The following F5 variants were observed in gnomAD, a reference collection of about 807,000 sequenced individuals.
F5 encodes the protein activated protein c cofactor.
F5 carries 138 observed loss-of-function variants against 216.4 expected under a neutral mutation model. The ratio of observed to expected loss-of-function variants is 0.64; its 90% CI spans 0.56 to 0.73. The LOEUF (loss-of-function observed/expected upper bound fraction) is 0.73. Among genes scored for constraint, F5 ranks in the 30% least tolerant of loss-of-function variants. The probability of loss-of-function intolerance (pLI) is 0.00; values close to 1 mark genes in which losing one functional copy is unlikely to be tolerated. For missense variants in F5, 2,403 were observed against 2,674.0 expected, an observed-to-expected ratio of 0.90 and a Z score of 2.24; for synonymous variants, 916 against 930.7, an observed-to-expected ratio of 0.98 and a Z score of 0.29.
intron 6 of F5, 62 bp downstream of exon 6, chr1:169,556,584 G>T: frequency 1.3e-6 from 2 of 1,514,292 alleles, no homozygotes; most frequent in Non-Finnish European, 1.8e-6. Flanking sequence ...GAAAGAGGGA[G>T]TTAGTGCATG....
intron 6 of F5, among the ~76,000 whole-genome samples, 187 bp downstream of exon 6, chr1:169,556,459 G>A (rs192645496): frequency 2.9e-3 from 220 of 74,676 alleles, no homozygotes; most frequent in African/African-American, 0.017. Flanking sequence ...CAATTCCTTC[G>A]CTTTCTCCAT....
At position 169,540,936 on chromosome 1, in the gene F5, G is replaced by A; in HGVS notation, c.4154C>T (p.Ser1385Phe). ...LSPELSQTNLSPDLSEMPLFA... is the reference protein window; with the variant it reads ...LSPELSQTNLFPDLSEMPLFA... Reference sequence around the variant, plus strand: ...GAGGGGCATCTCACTGAGGTCTGGGGAAAGGTTTGTCTGACTGAGTTCTGG... The same window carrying A: ...GAGGGGCATCTCACTGAGGTCTGGGAAAAGGTTTGTCTGACTGAGTTCTGG... The change falls in exon 13 of 25, where the codon TCC becomes TTC. Residue 1385 changes from serine to phenylalanine, a missense_variant. Ser to Phe is a radical substitution (Grantham distance 155). Around this residue, in one of 4 missense-constraint regions of F5, gnomAD observed 293 missense variants for 270.8 expected, o/e 1.08. Transcript: ENST00000367797. 2 of 1,614,138 alleles carry A rather than the reference G, an allele frequency of 1.2e-6. No homozygotes were observed. Among genetic ancestry groups the A allele is most frequent in the Non-Finnish European group, 1.7e-6 (2 of 1,180,020 alleles).
At position 169,541,535 on chromosome 1, in the gene F5, G is replaced by A; in HGVS notation, c.3555C>T (p.Val1185=). The change falls in exon 13 of 25, where the codon GTC becomes GTT. Residue 1185 remains valine, a synonymous_variant. Coordinates refer to ENST00000367797, the MANE Select transcript of F5 (RefSeq NM_000130.5). ...PSSEHEVWQT[V]ISPDLSQVTL... ...TCACCTGGCTGAGGTCTGGAGAGAT[G>A]ACTGTCTGCCAGACTTCATGTTCTG... The A allele has an allele frequency of 6.2e-7, 1 of 1,614,116 alleles. No individual in the cohort carries two copies. The highest frequency in any genetic ancestry group is 8.5e-7 in the Non-Finnish European group (1 of 1,179,998).
In F5 at chr1:169,514,139, G is replaced by A; in HGVS notation, c.*174C>T. On this transcript the variant is annotated 3_prime_UTR_variant, in exon 25 of 25. Transcript: ENST00000367797. ...AGTAATAGCCATTATCTTACTTACT[G>A]GTAGCAAGGAGTTACATTATAAAAG... is the stretch of plus-strand genomic sequence containing the variant. 1 of 629,120 alleles carries A rather than the reference G, an allele frequency of 1.6e-6. No homozygotes were observed. 39.0% of individuals were successfully genotyped at this position (629,120 alleles called of 1,614,324 possible).
Position 169,586,404 on chromosome 1 carries a change from C to G in F5, c.-18G>C, listed in dbSNP as rs1295977576. 6.2e-7 allele frequency: 1 copy of G among 1,608,896 alleles called. No individual in the cohort carries two copies. The highest frequency in any genetic ancestry group is 1.1e-5 in the South Asian group (1 of 90,792). On this transcript the variant is annotated 5_prime_UTR_variant, in exon 1 of 25. Transcript: ENST00000367797. ...GGGAACATGCTTCCTTTCCTGCTCCCGCTGGCTGCCACCACCCCAGGACCT... is the reference window on the plus strand; with the variant it reads ...GGGAACATGCTTCCTTTCCTGCTCCGGCTGGCTGCCACCACCCCAGGACCT...
intron 3 of F5, among the ~76,000 whole-genome samples, chr1:169,567,294 T>C (rs1429201362): frequency 6.6e-6 from 1 of 151,870 alleles, no homozygotes; most frequent in Non-Finnish European, 1.5e-5. Context: ...GATGACGAGT[T>C]AGTGGGTGCA....
chr1:169,584,777 C>T (rs1228368302), intron 1 of F5, among the ~76,000 whole-genome samples: 2 of 152,176 alleles, frequency 1.3e-5, no homozygotes, highest in African/African-American at 4.8e-5. Flanking sequence ...AACAATATGA[C>T]AGTTTGTCTG....
Position 169,540,578 on chromosome 1 carries a change from T to G in F5, c.4512A>C (p.Ser1504=). Residue 1504 remains serine, a synonymous_variant, in exon 13 of 25, where the codon TCA becomes TCC. Coordinates refer to ENST00000367797, the MANE Select transcript of F5 (RefSeq NM_000130.5). ...CTATAACCAGTGGATTAAATTCCTT[T>G]GATAGAAAAGTATCATTGAGAGTAG... ...SSPTLNDTFL[S]KEFNPLVIVG... is the part of the protein sequence containing the mutation. The G allele has an allele frequency of 1.2e-6, 2 of 1,614,064 alleles. No individual in the cohort carries two copies. Among genetic ancestry groups the G allele is most frequent in the South Asian group, 1.1e-5 (1 of 91,082 alleles).
At chr1:169,560,985 A>G (rs574459105) in intron 3 of F5, among the ~76,000 whole-genome samples, 1 of 152,322 alleles carries the variant, frequency 6.6e-6, no homozygotes, top group East Asian at 1.9e-4. Flanking sequence ...AACAAATGTT[A>G]TTTGTAAATT....
In F5 at chr1:169,524,142, A is replaced by AT. The variant is rs1260269534; in HGVS notation, c.5789-239dup. ...CTTTCTTGCACACAGGTCATGTTTG[A>AT]TTTTTTCTGTTGTGTTTATATTCCT... On this transcript the variant is annotated intron_variant, in intron 19 of 24. Transcript: ENST00000367797. 1.1e-4 allele frequency among the ~76,000 whole-genome samples: 17 copies of AT among 151,946 alleles called. No individual in the cohort carries two copies. The East Asian group carries it at 1.2e-3, about 10-fold the overall frequency.
intron 23 of F5, among the ~76,000 whole-genome samples, chr1:169,516,425 T>C (rs1157847997): frequency 1.3e-5 from 2 of 152,196 alleles, no homozygotes; most frequent in Non-Finnish European, 2.9e-5. Flanking sequence ...GGAAATAATA[T>C]TGATATGTTT....
Position 169,541,789 on chromosome 1 carries a change from T to A in F5, c.3301A>T (p.Asn1101Tyr). 1 of 1,614,042 alleles carries A rather than the reference T, an allele frequency of 6.2e-7. No homozygotes were observed. The highest frequency in any genetic ancestry group is 8.5e-7 in the Non-Finnish European group (1 of 1,179,976). The change falls in exon 13 of 25, where the codon AAT (asparagine) becomes TAT (tyrosine). Residue 1101 changes from asparagine (N) to tyrosine (Y), a missense_variant. Around this residue, in one of 4 missense-constraint regions of F5, gnomAD observed 1,425 missense variants for 1,554.8 expected, o/e 0.92. Transcript: ENST00000367797. ...CCAGTGTCATTTGAGGAATTCTGAT[T>A]ATGGTCAGGAAGTGAGGCTATCCAG... ...FGWIASLPDH[N>Y]QNSSNDTGQA...
In F5 at chr1:169,515,478, T is replaced by A; in HGVS notation, c.6494A>T (p.Lys2165Ile). The A allele has an allele frequency of 6.2e-7, 1 of 1,613,546 alleles. No individual in the cohort carries two copies. The highest frequency in any genetic ancestry group is 8.5e-7 in the Non-Finnish European group (1 of 1,179,640). The change falls in exon 24 of 25, where the codon AAA (lysine) becomes ATA (isoleucine). Residue 2165 changes from lysine to isoleucine, a missense_variant. By Grantham distance (102) the Lys-to-Ile change is moderately radical (BLOSUM62 -3). This residue lies in a region of F5 where 659 missense variants were observed against 787.9 expected (regional missense o/e 0.84). Coordinates refer to ENST00000367797, the MANE Select transcript of F5 (RefSeq NM_000130.5). The part of the protein sequence containing the change: ...IHYSEQGVEW[K>I]PYRLKSSMVD... ...CATGGAGGATTTCAGCCTGTATGGT[T>A]TCCATTCCACTCCCTGCTCACTGTA...
At chr1:169,529,385 C>A (rs1278996124) in intron 16 of F5, among the ~76,000 whole-genome samples, 4 of 152,202 alleles carry the variant, frequency 2.6e-5, no homozygotes, top group Admixed American at 2.6e-4. Context: ...TGTTTTGCAG[C>A]AGCTTCTCTG....
chr1:169,520,751 A>T, intron 21 of F5, 87 bp from the exon 22 acceptor site: 1 of 1,120,954 alleles, frequency 8.9e-7, no homozygotes, highest in Admixed American at 2.0e-5. Context: ...TAATATTGTA[A>T]TACTACATTT....
intron 10 of F5, 75 bp from the exon 11 acceptor site, chr1:169,546,667 A>T (rs2101822878): frequency 7.4e-7 from 1 of 1,342,514 alleles, no homozygotes; most frequent in East Asian, 2.3e-5. Context: ...AGAACTCAGA[A>T]ATAAGGCTGC....
chr1:169,539,962 G>A (rs1249920400), intron 13 of F5, among the ~76,000 whole-genome samples: 7 of 152,168 alleles, frequency 4.6e-5, no homozygotes, highest in African/African-American at 1.7e-4. Context: ...AAATCATATT[G>A]ATTAGCATAT....
intron 3 of F5, among the ~76,000 whole-genome samples, chr1:169,563,025 T>A (rs1660516849): frequency 6.6e-6 from 1 of 152,044 alleles, no homozygotes; most frequent in Non-Finnish European, 1.5e-5. Context: ...TTTCTGCATT[T>A]GTATGTCTAA....
At position 169,572,952 on chromosome 1, in the gene F5, C is replaced by CTT. The variant is rs373033360; in HGVS notation, c.251-611_251-610dup. 1.0e-4 allele frequency among the ~76,000 whole-genome samples: 9 copies of CTT among 89,552 alleles called. No homozygotes were observed. The South Asian group carries it at 1.9e-3, about 19-fold the overall frequency. The allele number at this position is 89,552 out of a possible 152,430, so 58.7% of individuals were successfully genotyped here. A position where few individuals can be genotyped will look rare whatever the true frequency, so the allele number is the denominator to read the frequency against. On this transcript the variant is annotated intron_variant, in intron 2 of 24. Coordinates refer to ENST00000367797, the MANE Select transcript of F5 (RefSeq NM_000130.5). ...AATGGGACATCACTGGAGCATTTTT[C>CTT]TTTTTTTTTTTGAGATGGAGTCTCG...
Sources: gnomAD v4.1 joint callset for allele counts (sites outside exome capture counted in the v4.1 genomes callset) on GRCh38, gnomAD v4.1.1 for gene constraint, gnomAD v4.1.1 regional missense constraint, MANE v1.5 for transcripts, NCBI Gene and HGNC (gene_info 2026-07-23, HGNC 2026-07-21) for gene names.